EGFR: variants seen among roughly 807,000 people sequenced by gnomAD.
EGFR encodes the protein epidermal growth factor receptor.
Under a neutral mutation model 143.0 loss-of-function variants are expected in EGFR, and 58 were observed. The observed-to-expected ratio is 0.41, with a 90% confidence interval of 0.33 to 0.50. The LOEUF is 0.50. Among genes scored for constraint, EGFR ranks in the 20% least tolerant of loss-of-function variants. The pLI, the probability that EGFR is intolerant of heterozygous loss-of-function variation, is 0.39. For synonymous variants in EGFR, 613 were observed against 594.4 expected (o/e 1.03, Z -0.45); for missense variants, 1,307 against 1,579.0 (o/e 0.83, Z 2.92).
intron 1 of EGFR, among the ~76,000 whole-genome samples, chr7:55,088,051 A>G (rs952169862): frequency 1.3e-5 from 1 of 74,708 alleles, no homozygotes; most frequent in Admixed American, 1.7e-4. Flanking sequence ...AATTCAGGGT[A>G]TAAACACACA....
chr7:55,089,538 A>G (rs928753557), intron 1 of EGFR, among the ~76,000 whole-genome samples: 1 of 152,246 alleles, frequency 6.6e-6, no homozygotes, highest in African/African-American at 2.4e-5. Flanking sequence ...AAGAAATCCC[A>G]TCCTTTCACA....
chr7:55,064,892 C>A (rs575960102), intron 1 of EGFR, among the ~76,000 whole-genome samples: 7 of 152,312 alleles, frequency 4.6e-5, no homozygotes, highest in African/African-American at 1.7e-4. Flanking sequence ...GCCACATATA[C>A]CAATAGCCCA....
At chr7:55,072,633 C>T (rs956859522) in intron 1 of EGFR, among the ~76,000 whole-genome samples, 2 of 152,202 alleles carry the variant, frequency 1.3e-5, no homozygotes, top group African/African-American at 4.8e-5. Flanking sequence ...TTAATTGTTT[C>T]CACTAATAGG....
chr7:55,041,989 C>T (rs900571272), intron 1 of EGFR, among the ~76,000 whole-genome samples: 1 of 152,146 alleles, frequency 6.6e-6, no homozygotes, highest in Non-Finnish European at 1.5e-5. Context: ...CCAAAAAGCT[C>T]AGAGACATAT....
intron 16 of EGFR, among the ~76,000 whole-genome samples, chr7:55,171,526 G>A (rs1022730398): frequency 6.6e-6 from 1 of 152,212 alleles, no homozygotes; most frequent in African/African-American, 2.4e-5. Flanking sequence ...GGGTCCTTCT[G>A]TGCCTCTAGC....
At chr7:55,075,648 G>A (rs1790095118) in intron 1 of EGFR, among the ~76,000 whole-genome samples, 2 of 152,276 alleles carry the variant, frequency 1.3e-5, no homozygotes, top group Admixed American at 6.5e-5. Flanking sequence ...GATACACTCA[G>A]GCAGCAGAAC....
intron 1 of EGFR, among the ~76,000 whole-genome samples, chr7:55,126,721 G>T (rs1011730948): frequency 6.6e-6 from 1 of 152,124 alleles, no homozygotes; most frequent in Non-Finnish European, 1.5e-5. Flanking sequence ...TTCCTTATTA[G>T]GTTGATTTCT....
Position 55,171,157 on chromosome 7 carries a change from C to G in EGFR, c.1881-18C>G, listed in dbSNP as rs749557702. 9.9e-6 allele frequency: 16 copies of G among 1,614,110 alleles called. No individual in the cohort carries two copies. In the Middle Eastern group the frequency reaches 6.6e-4, roughly 67 times the overall value. ...AGTAGAATGAGAAAAATGTATATTT[C>G]TCTTTCACTTCCTACAGATGCACTG... On this transcript the variant is annotated intron_variant, in intron 15 of 27. Coordinates refer to ENST00000275493, the MANE Select transcript of EGFR (RefSeq NM_005228.5).
At chr7:55,095,278 C>T (rs1489025386) in intron 1 of EGFR, among the ~76,000 whole-genome samples, 2 of 152,216 alleles carry the variant, frequency 1.3e-5, no homozygotes, top group Non-Finnish European at 2.9e-5. Flanking sequence ...TACTTAACCT[C>T]TCAAAACTCA....
chr7:55,154,206 G>GTC, intron 7 of EGFR, 54 bp downstream of exon 7: 1 of 1,613,414 alleles, frequency 6.2e-7, no homozygotes, highest in Non-Finnish European at 8.5e-7. Flanking sequence ...GTCCCGCTCT[G>GTC]TCTCCTGCTG....
At chr7:55,167,771 C>A (rs1562778812) in intron 15 of EGFR, among the ~76,000 whole-genome samples, 1 of 152,120 alleles carries the variant, frequency 6.6e-6, no homozygotes. Context: ...GATTTGTCAA[C>A]TTTCTAGGAA....
At chr7:55,061,659 A>T (rs1159814233) in intron 1 of EGFR, among the ~76,000 whole-genome samples, 4 of 150,858 alleles carry the variant, frequency 2.7e-5, no homozygotes, top group African/African-American at 4.9e-5. Flanking sequence ...TGAGAGAGAG[A>T]GAGAGAGAGA....
rs1009069239 is a variant in EGFR at position 55,209,738 on chromosome 7, A to G, written c.*4121A>G. ...ACACAGACAGGATTTTTAAATGTAA[A>G]TCTATTTTTGTAACTTTGTTGCGGG... On this transcript the variant is annotated 3_prime_UTR_variant, in exon 28 of 28. Coordinates refer to ENST00000275493, the MANE Select transcript of EGFR (RefSeq NM_005228.5). 1 of 152,210 alleles carries G rather than the reference A, an allele frequency of 6.6e-6. No homozygotes were observed. Among genetic ancestry groups the G allele is most frequent in the African/African-American group, 2.4e-5 (1 of 41,450 alleles). 9.4% of individuals were successfully genotyped at this position (152,210 alleles called of 1,614,324 possible).
chr7:55,038,643 T>A (rs1295511933), intron 1 of EGFR, among the ~76,000 whole-genome samples: 3 of 152,180 alleles, frequency 2.0e-5, no homozygotes, highest in African/African-American at 7.2e-5. Context: ...ATTTTTAAAT[T>A]TTTGTTTATT....
chr7:55,095,819 G>A (rs991212047), intron 1 of EGFR, among the ~76,000 whole-genome samples: 14 of 148,326 alleles, frequency 9.4e-5, no homozygotes, highest in Non-Finnish European at 1.6e-4. Flanking sequence ...CACACAGAGA[G>A]ACATACACAC....
Position 55,205,792 on chromosome 7 carries a change from G to A in EGFR, c.*175G>A. On this transcript the variant is annotated 3_prime_UTR_variant, in exon 28 of 28. Transcript: ENST00000275493. ...GTACTTCCACCTCGGGCACATTTTGGGAAGTTGCATTCCTTTGTCTTCAAA... is the reference window on the plus strand; with the variant it reads ...GTACTTCCACCTCGGGCACATTTTGAGAAGTTGCATTCCTTTGTCTTCAAA... 4 of 925,006 alleles carry A rather than the reference G, an allele frequency of 4.3e-6. No individual in the cohort carries two copies. The highest frequency in any genetic ancestry group is 6.6e-6 in the Non-Finnish European group (4 of 609,666). 57.3% of individuals were successfully genotyped at this position (925,006 alleles called of 1,614,324 possible).
intron 19 of EGFR, among the ~76,000 whole-genome samples, chr7:55,177,856 G>A (rs548251859): frequency 6.6e-6 from 1 of 152,360 alleles, no homozygotes; most frequent in African/African-American, 2.4e-5. Flanking sequence ...GTAGGTCACG[G>A]TGCACGTTTA....
intron 1 of EGFR, among the ~76,000 whole-genome samples, chr7:55,090,047 C>A (rs1310761381): frequency 6.6e-6 from 1 of 152,068 alleles, no homozygotes. Flanking sequence ...GGGCTCACTG[C>A]AAGCTCTGCC....
Position 55,173,029 on chromosome 7 carries a change from T to A in EGFR, c.1966T>A (p.Leu656Met). The A allele has an allele frequency of 6.2e-7, 1 of 1,614,120 alleles. No homozygotes were observed. The highest frequency in any genetic ancestry group is 1.1e-5 in the South Asian group (1 of 91,082). ...IATGMVGALLLLLVVALGIGL... is the reference protein window; with the variant it reads ...IATGMVGALLMLLVVALGIGL... ...CACTGGGATGGTGGGGGCCCTCCTC[T>A]TGCTGCTGGTGGTGGCCCTGGGGAT... The change falls in exon 17 of 28, where the codon TTG becomes ATG. Residue 656 changes from leucine to methionine, a missense_variant. Physicochemically the swap from Leu to Met is conservative, Grantham distance 15. Around this residue, in one of 7 missense-constraint regions of EGFR, gnomAD observed 348 missense variants for 451.5 expected, o/e 0.77. Transcript: ENST00000275493.
Sources: allele counts gnomAD v4.1 joint callset (sites outside exome capture counted in the v4.1 genomes callset), GRCh38; gene constraint gnomAD v4.1.1; regional missense constraint gnomAD v4.1.1; transcripts MANE v1.5; gene names NCBI Gene and HGNC (gene_info 2026-07-23, HGNC 2026-07-21).